The following THSD4 variants were observed in gnomAD, a reference collection of about 807,000 sequenced individuals.
THSD4 encodes the protein thrombospondin type-1 domain-containing protein 4.
THSD4 carries 69 observed loss-of-function variants against 119.0 expected under a neutral mutation model. The ratio of observed to expected loss-of-function variants is 0.58; its 90% CI spans 0.48 to 0.71. The LOEUF is 0.71. Ranked by LOEUF, THSD4 falls within the 30% of genes least tolerant of loss-of-function variation. THSD4 has a pLI of 0.00. For missense variants in THSD4, 1,393 were observed against 1,391.1 expected, an observed-to-expected ratio of 1.00 and a Z score of -0.02; for synonymous variants, 524 against 540.4, an observed-to-expected ratio of 0.97 and a Z score of 0.42.
At chr15:71,351,003 T>G (rs1156797770) in intron 6 of THSD4, among the ~76,000 whole-genome samples, 1 of 152,188 alleles carries the variant, frequency 6.6e-6, no homozygotes, top group African/African-American at 2.4e-5. Context: ...CACGCTGTGG[T>G]GGGAACAGCT....
chr15:71,233,819 G>A (rs1306273605), intron 4 of THSD4, among the ~76,000 whole-genome samples: 1 of 152,190 alleles, frequency 6.6e-6, no homozygotes, highest in African/African-American at 2.4e-5. Context: ...CCAATTCCAG[G>A]AGACTCAGAT....
intron 11 of THSD4, among the ~76,000 whole-genome samples, 168 bp from the exon 12 acceptor site, chr15:71,744,938 T>G (rs1236274556): frequency 6.6e-6 from 1 of 152,150 alleles, no homozygotes; most frequent in Non-Finnish European, 1.5e-5. Flanking sequence ...GGTAGGTGTG[T>G]GTAAACCCTC....
rs150738673 is a variant in THSD4, at chr15:71,535,300, G to C, written c.1152+123477G>C. 2.6e-3 allele frequency among the ~76,000 whole-genome samples: 391 copies of C among 152,288 alleles called. 2 individuals are homozygous for C. Among genetic ancestry groups the C allele is most frequent in the African/African-American group, 9.0e-3 (376 of 41,558 alleles). On this transcript the variant is annotated intron_variant, in intron 7 of 17. Transcript: ENST00000261862. ...TCAAGGATCATCCATTTTGTAGCAT[G>C]TATCGATACTTCGTTGCTTTGTATT...
At chr15:71,375,771 G>A (rs963239406) in intron 6 of THSD4, among the ~76,000 whole-genome samples, 1 of 152,122 alleles carries the variant, frequency 6.6e-6, no homozygotes, top group African/African-American at 2.4e-5. Flanking sequence ...AACTTGTTAG[G>A]AATGCAAATT....
chr15:71,221,680 C>A (rs74901541), intron 4 of THSD4, among the ~76,000 whole-genome samples: 2 of 152,174 alleles, frequency 1.3e-5, no homozygotes, highest in African/African-American at 4.8e-5. Context: ...TTTCATCCAT[C>A]AGTGGACATT....
At chr15:71,191,207 C>A (rs1330707197) in intron 3 of THSD4, among the ~76,000 whole-genome samples, 1 of 152,152 alleles carries the variant, frequency 6.6e-6, no homozygotes, top group Non-Finnish European at 1.5e-5. Context: ...CACCGTCCTT[C>A]CCCTGGGATC....
intron 7 of THSD4, among the ~76,000 whole-genome samples, chr15:71,429,044 C>T (rs2046909697): frequency 6.6e-6 from 1 of 152,236 alleles, no homozygotes; most frequent in African/African-American, 2.4e-5. Flanking sequence ...TGTTTCCAGT[C>T]TTTTACCATT....
At chr15:71,630,557 C>T (rs2050606376) in intron 7 of THSD4, among the ~76,000 whole-genome samples, 1 of 152,146 alleles carries the variant, frequency 6.6e-6, no homozygotes, top group Non-Finnish European at 1.5e-5. Context: ...TCTCTGAAGA[C>T]AGAGAAAGGT....
At chr15:71,362,367 A>G (rs1045194603) in intron 6 of THSD4, among the ~76,000 whole-genome samples, 2 of 152,220 alleles carry the variant, frequency 1.3e-5, no homozygotes, top group Non-Finnish European at 2.9e-5. Flanking sequence ...TTTGAACCAT[A>G]TGAATCTTAG....
intron 7 of THSD4, among the ~76,000 whole-genome samples, chr15:71,531,179 G>T (rs1211708165): frequency 2.0e-5 from 3 of 152,088 alleles, no homozygotes; most frequent in Non-Finnish European, 4.4e-5. Flanking sequence ...TGTGGGATGG[G>T]GCTAGATCCT....
Position 71,741,923 on chromosome 15 carries a change from C to T in THSD4, c.1907-3183C>T, listed in dbSNP as rs1025618753. 3.9e-5 allele frequency among the ~76,000 whole-genome samples: 6 copies of T among 152,184 alleles called. No homozygotes were observed. The East Asian group carries it at 5.8e-4, about 15-fold the overall frequency. On this transcript the variant is annotated intron_variant, in intron 11 of 17. Coordinates refer to ENST00000261862, the MANE Select transcript of THSD4 (RefSeq NM_024817.3). Reference sequence around the variant, plus strand: ...TTTTCTTTCAAGTGACAAGTGGCAGCGGCCCGTGGAGGCCTCTCCTTTGCT... The same window carrying T: ...TTTTCTTTCAAGTGACAAGTGGCAGTGGCCCGTGGAGGCCTCTCCTTTGCT...
intron 7 of THSD4, among the ~76,000 whole-genome samples, chr15:71,617,407 TTTC>T (rs1418821797): frequency 1.3e-5 from 2 of 152,242 alleles, no homozygotes; most frequent in Non-Finnish European, 2.9e-5. Context: ...GCCTTCTCTT[TTTC>T]TTCTTCTCCC....
Position 71,430,759 on chromosome 15 carries a change from G to GAAA in THSD4, c.1152+18958_1152+18960dup, listed in dbSNP as rs397719477. On this transcript the variant is annotated intron_variant, in intron 7 of 17. Coordinates refer to ENST00000261862, the MANE Select transcript of THSD4 (RefSeq NM_024817.3). ...ATGGCAGAGCAAGACTCTGTCTCAA[G>GAAA]AAAAAAAAAAAAAAAAAAAAAAAAG... Among the ~76,000 whole-genome samples the GAAA allele has an allele frequency of 7.8e-4, 65 of 82,958 alleles. 4 individuals carry two copies. The South Asian group carries it at 0.019, about 25-fold the overall frequency. The allele number at this position is 82,958 out of a possible 152,430, so 54.4% of individuals were successfully genotyped here.
intron 1 of THSD4, among the ~76,000 whole-genome samples, chr15:71,138,656 C>T (rs138158978): frequency 2.0e-5 from 3 of 152,110 alleles, no homozygotes; most frequent in Admixed American, 6.5e-5. Context: ...TTCCCTCCCC[C>T]CTCCACAAGG....
intron 6 of THSD4, among the ~76,000 whole-genome samples, chr15:71,353,368 A>G (rs894784695): frequency 5.3e-5 from 8 of 151,316 alleles, no homozygotes; most frequent in Non-Finnish European, 5.9e-5. Flanking sequence ...GCAAACACTT[A>G]ATCTGATTGC....
chr15:71,271,541 T>C (rs966587458), intron 6 of THSD4, among the ~76,000 whole-genome samples: 6 of 152,240 alleles, frequency 3.9e-5, no homozygotes, highest in African/African-American at 7.2e-5. Context: ...TATGTCATGA[T>C]TGGCATTATA....
At chr15:71,325,192 G>C (rs975241416) in intron 6 of THSD4, among the ~76,000 whole-genome samples, 3 of 152,152 alleles carry the variant, frequency 2.0e-5, no homozygotes, top group African/African-American at 7.2e-5. Context: ...GTTATGTATA[G>C]ATTTGACTTG....
At chr15:71,605,002 A>G (rs1226518899) in intron 7 of THSD4, among the ~76,000 whole-genome samples, 1 of 152,062 alleles carries the variant, frequency 6.6e-6, no homozygotes, top group African/African-American at 2.4e-5. Flanking sequence ...TTGGGAAGGC[A>G]GTATTTGCTC....
chr15:71,663,772 A>T (rs2051359183), intron 8 of THSD4, among the ~76,000 whole-genome samples: 1 of 152,096 alleles, frequency 6.6e-6, no homozygotes. Context: ...TTTCAAAGAG[A>T]TATGTGGTAG....
Sources: allele counts gnomAD v4.1 joint callset (sites outside exome capture counted in the v4.1 genomes callset), GRCh38; gene constraint gnomAD v4.1.1; transcripts MANE v1.5; gene names NCBI Gene and HGNC (gene_info 2026-07-23, HGNC 2026-07-21).